Variants in RPL14 observed in about 807,000 individuals in gnomAD.
RPL14 encodes large ribosomal subunit protein eL14.
Under a neutral mutation model 25.3 loss-of-function variants are expected in RPL14, and 4 were observed. That is an observed-to-expected ratio of 0.16 (90% confidence interval 0.08 to 0.36). The LOEUF is 0.36. RPL14 is among the 10% of genes least tolerant of loss of function. The probability of loss-of-function intolerance (pLI) is 1.00; values close to 1 mark genes in which losing one functional copy is unlikely to be tolerated. For synonymous variants in RPL14, 75 were observed against 89.8 expected (o/e 0.84, Z 0.93); for missense variants, 212 against 261.9 (o/e 0.81, Z 1.31).
intron 3 of RPL14, among the ~76,000 whole-genome samples, chr3:40,459,906 C>T (rs1252754210): frequency 6.8e-6 from 1 of 146,720 alleles, no homozygotes; most frequent in Non-Finnish European, 1.5e-5. Context: ...GCACTACAGG[C>T]ACTGTGGGAC....
rs140351214 is a variant in RPL14 at position 40,464,405 on chromosome 3, G to T, written c.*2173G>T. On this transcript the variant is annotated 3_prime_UTR_variant, in exon 6 of 6. Transcript: ENST00000396203. Reference sequence around the variant, plus strand: ...AAATATGGATGATTTCGGATTACCTGTTCTACTCTGGGAGGTAGAGAATTG... The same window carrying T: ...AAATATGGATGATTTCGGATTACCTTTTCTACTCTGGGAGGTAGAGAATTG... The T allele has an allele frequency of 6.8e-5, 31 of 454,870 alleles. No homozygotes were observed. The highest frequency in any genetic ancestry group is 6.0e-4 in the African/African-American group (30 of 50,126). 28.2% of individuals were successfully genotyped at this position (454,870 alleles called of 1,614,324 possible).
At chr3:40,459,507 A>G (rs183189931) in intron 3 of RPL14, among the ~76,000 whole-genome samples, 1 of 152,352 alleles carries the variant, frequency 6.6e-6, no homozygotes, top group Admixed American at 6.5e-5. Context: ...TCAACCCACA[A>G]TGATGGTTGC....
chr3:40,457,524 TCG>T (rs1183302690), intron 1 of RPL14, 50 bp downstream of exon 1: 1 of 1,416,734 alleles, frequency 7.1e-7, no homozygotes, highest in Non-Finnish European at 9.7e-7. Flanking sequence ...CTTCCCGGAC[TCG>T]CGCCCTTCCC....
chr3:40,458,588 C>T (rs982689659), intron 2 of RPL14, 54 bp from the exon 3 acceptor site: 4 of 1,355,640 alleles, frequency 3.0e-6, no homozygotes, highest in African/African-American at 2.9e-5. Flanking sequence ...AACCATCTGA[C>T]CATTTTAATT....
Position 40,462,527 on chromosome 3 carries a change from C to T in RPL14, c.*295C>T, listed in dbSNP as rs549853745. The T allele has an allele frequency of 4.2e-6, 1 of 235,992 alleles. No homozygotes were observed. Among genetic ancestry groups the T allele is most frequent in the South Asian group, 8.9e-5 (1 of 11,290 alleles). 14.6% of individuals were successfully genotyped at this position (235,992 alleles called of 1,614,324 possible). A position where few individuals can be genotyped will look rare whatever the true frequency, so the allele number is the denominator to read the frequency against. On this transcript the variant is annotated 3_prime_UTR_variant, in exon 6 of 6. Transcript: ENST00000396203. Reference sequence around the variant, plus strand: ...GAGCAGCTGGGACTACAGGTGCCCGCCACCGCGCCTGGCTAATTTTTTGTA... The same window carrying T: ...GAGCAGCTGGGACTACAGGTGCCCGTCACCGCGCCTGGCTAATTTTTTGTA...
intron 3 of RPL14, 165 bp downstream of exon 3, chr3:40,458,901 C>G (rs926184732): frequency 1.3e-5 from 8 of 620,308 alleles, no homozygotes; most frequent in Non-Finnish European, 2.0e-5. Flanking sequence ...CTTGCCTGCG[C>G]GTGATAGCTC....
rs1696974526 is a variant in RPL14, at chr3:40,463,135, C to G, written c.*903C>G. The G allele has an allele frequency of 6.6e-6, 1 of 152,184 alleles. No individual in the cohort carries two copies. The highest frequency in any genetic ancestry group is 2.4e-5 in the African/African-American group (1 of 41,426). 9.4% of individuals were successfully genotyped at this position (152,184 alleles called of 1,614,324 possible). On this transcript the variant is annotated 3_prime_UTR_variant, in exon 6 of 6. Coordinates refer to ENST00000396203, the MANE Select transcript of RPL14 (RefSeq NM_001034996.3). The stretch of plus-strand genomic sequence containing the variant: ...CTATGTTGGCCAGGCTGGTTTTGAA[C>G]TCCTGACCTCGTGATCCGCCTGTCT...
In RPL14 at chr3:40,463,208, C is replaced by T. The variant is rs1395180864; in HGVS notation, c.*976C>T. The T allele has an allele frequency of 6.6e-6, 1 of 150,446 alleles. No homozygotes were observed. Among genetic ancestry groups the T allele is most frequent in the Non-Finnish European group, 1.5e-5 (1 of 67,754 alleles). The allele number at this position is 150,446 out of a possible 1,614,324, so 9.3% of individuals were successfully genotyped here. On this transcript the variant is annotated 3_prime_UTR_variant, in exon 6 of 6. Transcript: ENST00000396203. ...ATAGGCATGGGCCACTGCACTTGGCCTTTTTTTGTTTTTTTGAGACAGAGT... is the reference window on the plus strand; with the variant it reads ...ATAGGCATGGGCCACTGCACTTGGCTTTTTTTTGTTTTTTTGAGACAGAGT...
rs918770309 is a variant in RPL14 at position 40,466,892 on chromosome 3, T to G, written c.*4660T>G. On this transcript the variant is annotated 3_prime_UTR_variant, in exon 6 of 6. Coordinates refer to ENST00000396203, the MANE Select transcript of RPL14 (RefSeq NM_001034996.3). ...ATTCATATTTTCCCCCCTCATCTGTTGGGTGAAATACTGTTTATCCTTTAG... is the reference window on the plus strand; with the variant it reads ...ATTCATATTTTCCCCCCTCATCTGTGGGGTGAAATACTGTTTATCCTTTAG... 1 of 152,210 alleles carries G rather than the reference T, an allele frequency of 6.6e-6. No individual in the cohort carries two copies. The highest frequency in any genetic ancestry group is 2.4e-5 in the African/African-American group (1 of 41,468). 9.4% of individuals were successfully genotyped at this position (152,210 alleles called of 1,614,324 possible).
At position 40,466,649 on chromosome 3, in the gene RPL14, A is replaced by G. The variant is rs1199316242; in HGVS notation, c.*4417A>G. The G allele has an allele frequency of 1.3e-5, 2 of 152,144 alleles. No individual in the cohort carries two copies. The highest frequency in any genetic ancestry group is 2.9e-5 in the Non-Finnish European group (2 of 68,026). 9.4% of individuals were successfully genotyped at this position (152,144 alleles called of 1,614,324 possible). A position where few individuals can be genotyped will look rare whatever the true frequency, so the allele number is the denominator to read the frequency against. Reference sequence around the variant, plus strand: ...AAGCAAGGATCCTGATACCTGCCTCATATTGTGGCAAGGATCAAATGAGTC... The same window carrying G: ...AAGCAAGGATCCTGATACCTGCCTCGTATTGTGGCAAGGATCAAATGAGTC... On this transcript the variant is annotated 3_prime_UTR_variant, in exon 6 of 6. Transcript: ENST00000396203.
At position 40,457,881 on chromosome 3, in the gene RPL14, C is replaced by G. The variant is rs762708684; in HGVS notation, c.4-9C>G. ...GTAAGTTTCACTGTCCTTTCTCCTC[C>G]AATTTTAGGTGTTCAGGCGCTTCGT... On this transcript the variant is annotated splice_polypyrimidine_tract_variant and intron_variant, in intron 1 of 5. Coordinates refer to ENST00000396203, the MANE Select transcript of RPL14 (RefSeq NM_001034996.3). The G allele has an allele frequency of 6.2e-7, 1 of 1,613,386 alleles. No homozygotes were observed. Among genetic ancestry groups the G allele is most frequent in the Non-Finnish European group, 8.5e-7 (1 of 1,179,270 alleles).
At chr3:40,457,568 C>T (rs1169407083) in intron 1 of RPL14, 94 bp downstream of exon 1, 2 of 1,109,666 alleles carry the variant, frequency 1.8e-6, no homozygotes, top group Admixed American at 2.1e-5. Flanking sequence ...GTGGAGGGCC[C>T]GGCAGGCCTG....
In RPL14 at chr3:40,459,111, G is replaced by T. The variant is rs142169926; in HGVS notation, c.200+375G>T. On this transcript the variant is annotated intron_variant, in intron 3 of 5. Transcript: ENST00000396203. Reference sequence around the variant, plus strand: ...GCTGAGTTGGGAGGATCGTTTTAGCGAGGTCGAGGCTGCAGAGAGCCGTGA... The same window carrying T: ...GCTGAGTTGGGAGGATCGTTTTAGCTAGGTCGAGGCTGCAGAGAGCCGTGA... 4 of 224,578 alleles carry T rather than the reference G, an allele frequency of 1.8e-5. No homozygotes were observed. In the East Asian group the frequency reaches 5.0e-4, roughly 28 times the overall value. 13.9% of individuals were successfully genotyped at this position (224,578 alleles called of 1,614,324 possible).
At position 40,462,369 on chromosome 3, in the gene RPL14, G is replaced by C. The variant is rs903985150; in HGVS notation, c.*137G>C. ...GATTATAATAAACATTAAATAATCA[G>C]TTCCTTTTTTTTTTTTTTTTTTTTT... On this transcript the variant is annotated 3_prime_UTR_variant, in exon 6 of 6. Transcript: ENST00000396203. 3 of 561,652 alleles carry C rather than the reference G, an allele frequency of 5.3e-6. No individual in the cohort carries two copies. The highest frequency in any genetic ancestry group is 2.2e-5 in the African/African-American group (1 of 45,610). 34.8% of individuals were successfully genotyped at this position (561,652 alleles called of 1,614,324 possible).
chr3:40,457,603 G>A, intron 1 of RPL14, 129 bp downstream of exon 1: 1 of 756,968 alleles, frequency 1.3e-6, no homozygotes, highest in Non-Finnish European at 2.1e-6. Context: ...ACGCGTGCGC[G>A]CCTCCGCCGC....
chr3:40,463,273 CT>C lies in RPL14; in HGVS notation c.*1043del, dbSNP rs1276334791. On this transcript the variant is annotated 3_prime_UTR_variant, in exon 6 of 6. Transcript: ENST00000396203. Reference sequence around the variant, plus strand: ...CCAGGCTGGAGTGCAGTGGCACGATCTTGGCTCAGCGCAACCTCTGCCTCCT... The same window carrying C: ...CCAGGCTGGAGTGCAGTGGCACGATCTGGCTCAGCGCAACCTCTGCCTCCT... 6.6e-6 allele frequency: 1 copy of C among 152,606 alleles called. No homozygotes were observed. The highest frequency in any genetic ancestry group is 2.4e-5 in the African/African-American group (1 of 41,446). 9.5% of individuals were successfully genotyped at this position (152,606 alleles called of 1,614,324 possible). A position where few individuals can be genotyped will look rare whatever the true frequency, so the allele number is the denominator to read the frequency against.
chr3:40,457,510 G>GGCCCTTCCCGGACTCGC lies in RPL14; in HGVS notation c.3+54_3+70dup, dbSNP rs554888231. 1,060 of 1,485,018 alleles carry GGCCCTTCCCGGACTCGC rather than the reference G, an allele frequency of 7.1e-4. 5 individuals are homozygous for GGCCCTTCCCGGACTCGC. Among genetic ancestry groups the GGCCCTTCCCGGACTCGC allele is most frequent in the African/African-American group, 1.9e-3 (134 of 70,734 alleles). 92.0% of individuals were successfully genotyped at this position (1,485,018 alleles called of 1,614,324 possible). On this transcript the variant is annotated intron_variant, in intron 1 of 5. Transcript: ENST00000396203. ...CCGGGCCGGCTGTGCAGCGGAATCG[G>GGCCCTTCCCGGACTCGC]GCCCTTCCCGGACTCGCGCCCTTCC...
Position 40,464,291 on chromosome 3 carries a change from A to C in RPL14, c.*2059A>C. On this transcript the variant is annotated 3_prime_UTR_variant, in exon 6 of 6. Transcript: ENST00000396203. ...ACATTTTAAATAAATTTGTTTCCTA[A>C]CCAAAAGCTAGCTTCAGGCGTCACT... 1 of 353,346 alleles carries C rather than the reference A, an allele frequency of 2.8e-6. No homozygotes were observed. Among genetic ancestry groups the C allele is most frequent in the South Asian group, 2.2e-5 (1 of 46,188 alleles). The allele number at this position is 353,346 out of a possible 1,614,324, so 21.9% of individuals were successfully genotyped here. A position where few individuals can be genotyped will look rare whatever the true frequency, so the allele number is the denominator to read the frequency against.
intron 2 of RPL14, 56 bp downstream of exon 2, chr3:40,458,047 C>T: frequency 7.0e-7 from 1 of 1,419,634 alleles, no homozygotes; most frequent in Non-Finnish European, 1.0e-6. Context: ...CTGCAGATGG[C>T]AATAATGAAT....
Sources: gnomAD v4.1 joint callset for allele counts (sites outside exome capture counted in the v4.1 genomes callset) on GRCh38, gnomAD v4.1.1 for gene constraint, MANE v1.5 for transcripts, NCBI Gene and HGNC (gene_info 2026-07-23, HGNC 2026-07-21) for gene names.